PHACTR1: variants seen among roughly 807,000 people sequenced by gnomAD.
PHACTR1 encodes phosphatase and actin regulator 1, also known as RPEL repeat containing 1.
A neutral mutation model predicts 69.2 loss-of-function variants in PHACTR1; 16 were observed. The observed-to-expected ratio is 0.23, with a 90% CI of 0.16 to 0.35. PHACTR1 has a LOEUF of 0.35. Ranked by LOEUF, PHACTR1 falls within the 10% of genes least tolerant of loss-of-function variation. The pLI, the probability that PHACTR1 is intolerant of heterozygous loss-of-function variation, is 1.00. For synonymous variants in PHACTR1, 312 were observed against 284.5 expected, an observed-to-expected ratio of 1.10 and a Z score of -0.97; for missense variants, 510 against 734.7, an observed-to-expected ratio of 0.69 and a Z score of 3.54.
chr6:12,957,237 A>C, intron 4 of PHACTR1: 1 of 522,132 alleles, frequency 1.9e-6, no homozygotes, highest in Non-Finnish European at 2.4e-6. Context: ...CTGCATGTTA[A>C]AAAGCTCAAC....
At position 13,275,107 on chromosome 6, in the gene PHACTR1, G is replaced by A. The variant is rs1479652050; in HGVS notation, c.1447+2192G>A. The A allele has an allele frequency of 1.3e-5, 2 of 152,222 alleles. No individual in the cohort carries two copies. The highest frequency in any genetic ancestry group is 2.9e-5 in the Non-Finnish European group (2 of 68,038). 9.4% of individuals were successfully genotyped at this position (152,222 alleles called of 1,614,324 possible). A position where few individuals can be genotyped will look rare whatever the true frequency, so the allele number is the denominator to read the frequency against. ...ATTTTCTGAGCTTTCAGCCATTTGAGGAACTGCTCGGTGTTGGGTGGTGGG... is the reference window on the plus strand; with the variant it reads ...ATTTTCTGAGCTTTCAGCCATTTGAAGAACTGCTCGGTGTTGGGTGGTGGG... On this transcript the variant is annotated intron_variant, in intron 11 of 14. Transcript: ENST00000332995. This position sits in a 1 kb window ranked among gnomAD's most constrained non-coding sequence, Gnocchi z 4.0.
chr6:13,045,362 GTCA>G (rs1251458912), intron 4 of PHACTR1, among the ~76,000 whole-genome samples: 7 of 152,270 alleles, frequency 4.6e-5, no homozygotes, highest in African/African-American at 1.2e-4. Context: ...TATGGATGCT[GTCA>G]TCATCATCGT....
intron 4 of PHACTR1, among the ~76,000 whole-genome samples, chr6:12,760,615 A>G (rs529431173): frequency 6.6e-6 from 1 of 152,288 alleles, no homozygotes; most frequent in Admixed American, 6.5e-5. Context: ...GGGAGGCCGT[A>G]CATGTTGGTC....
At chr6:12,764,746 A>T (rs1768409309) in intron 4 of PHACTR1, among the ~76,000 whole-genome samples, 1 of 152,240 alleles carries the variant, frequency 6.6e-6, no homozygotes, top group Admixed American at 6.5e-5. Flanking sequence ...GTAGAGCTCT[A>T]GCCTTCCTTG....
chr6:13,054,682 G>A (rs1806509882), intron 5 of PHACTR1, among the ~76,000 whole-genome samples: 1 of 152,134 alleles, frequency 6.6e-6, no homozygotes, highest in South Asian at 2.1e-4. Flanking sequence ...TCCATCATGA[G>A]TGCCCTACCT....
chr6:12,994,307 T>C (rs1489638067), intron 4 of PHACTR1, among the ~76,000 whole-genome samples: 1 of 152,146 alleles, frequency 6.6e-6, no homozygotes, highest in Non-Finnish European at 1.5e-5. Context: ...TGTCACTCCC[T>C]CAAGAGGTGG....
chr6:13,090,427 G>A (rs1019669391), intron 5 of PHACTR1, among the ~76,000 whole-genome samples: 6 of 151,762 alleles, frequency 4.0e-5, no homozygotes, highest in South Asian at 2.1e-4. Flanking sequence ...CCAGGTTCAC[G>A]CCATTCTCCT....
intron 4 of PHACTR1, among the ~76,000 whole-genome samples, chr6:12,795,889 G>T (rs979746675): frequency 3.3e-5 from 5 of 151,890 alleles, no homozygotes; most frequent in East Asian, 1.9e-4. Context: ...TTTAAGAAAA[G>T]AATCAATTCC....
At position 13,179,697 on chromosome 6, in the gene PHACTR1, GAT is replaced by G. The variant is rs1252794915; in HGVS notation, c.497-2820_497-2819del. ...AGGTAGGTAGGTAGATAGATAAGTAGATAGAGATAGATAGATAGATAGATAGA... is the reference window on the plus strand; with the variant it reads ...AGGTAGGTAGGTAGATAGATAAGTAGAGAGATAGATAGATAGATAGATAGA... On this transcript the variant is annotated intron_variant, in intron 6 of 14. Transcript: ENST00000332995. The surrounding 1 kb of genome is among the most constrained non-coding windows in gnomAD (Gnocchi z 4.2). Among the ~76,000 whole-genome samples, 1 of 100,198 alleles carries G rather than the reference GAT, an allele frequency of 1.0e-5. No individual in the cohort carries two copies. The highest frequency in any genetic ancestry group is 2.1e-5 in the Non-Finnish European group (1 of 46,804). The allele number at this position is 100,198 out of a possible 152,430, so 65.7% of individuals were successfully genotyped here.
intron 5 of PHACTR1, among the ~76,000 whole-genome samples, chr6:13,127,169 A>C (rs1819661773): frequency 6.6e-6 from 1 of 152,216 alleles, no homozygotes; most frequent in Non-Finnish European, 1.5e-5. Context: ...TGGTTTAAAT[A>C]GATTTCTCTG....
intron 6 of PHACTR1, among the ~76,000 whole-genome samples, chr6:13,172,910 C>T (rs1390879629): frequency 6.6e-6 from 1 of 152,198 alleles, no homozygotes; most frequent in Non-Finnish European, 1.5e-5. Context: ...TTGTGAGATG[C>T]CTGCGTGAGG....
chr6:13,096,027 T>C (rs1013426474), intron 5 of PHACTR1, among the ~76,000 whole-genome samples: 1 of 152,148 alleles, frequency 6.6e-6, no homozygotes, highest in African/African-American at 2.4e-5. Context: ...CAACTGGGAA[T>C]GACCTTCTTC....
chr6:12,957,255 C>CAAAAAA (rs35500368), intron 4 of PHACTR1: 12 of 272,208 alleles, frequency 4.4e-5, no homozygotes, highest in African/African-American at 2.9e-4. Flanking sequence ...AACAAATACT[C>CAAAAAA]AAAAAAAAAA....
chr6:13,176,807 G>C (rs970804103), intron 6 of PHACTR1, among the ~76,000 whole-genome samples: 1 of 152,046 alleles, frequency 6.6e-6, no homozygotes, highest in Non-Finnish European at 1.5e-5. Context: ...ATTCTTCATA[G>C]TCATATTCAA....
intron 5 of PHACTR1, among the ~76,000 whole-genome samples, chr6:13,151,020 A>T (rs1026335915): frequency 1.3e-5 from 2 of 152,200 alleles, no homozygotes; most frequent in Non-Finnish European, 2.9e-5. Context: ...GGCATGTTCT[A>T]GGTTCTGGAG....
intron 4 of PHACTR1, among the ~76,000 whole-genome samples, chr6:13,003,663 T>G (rs1268184005): frequency 6.6e-6 from 1 of 151,980 alleles, no homozygotes; most frequent in Non-Finnish European, 1.5e-5. Context: ...AGGTGAAGCC[T>G]GGCCTTTGAG....
rs78249740 is a variant in PHACTR1 at position 13,089,918 on chromosome 6, A to G, written c.415+36389A>G. Reference sequence around the variant, plus strand: ...GATTTGTCCTCCTTGTGACATAATAAATTTCCTGAAATGAATAGGGAATGT... The same window carrying G: ...GATTTGTCCTCCTTGTGACATAATAGATTTCCTGAAATGAATAGGGAATGT... On this transcript the variant is annotated intron_variant, in intron 5 of 14. Transcript: ENST00000332995. Among the ~76,000 whole-genome samples, 1,372 of 152,332 alleles carry G rather than the reference A, an allele frequency of 9.0e-3. 11 individuals are homozygous for G. The highest frequency in any genetic ancestry group is 0.015 in the Non-Finnish European group (1,007 of 68,038).
chr6:12,827,436 G>A (rs1776925811), intron 4 of PHACTR1, among the ~76,000 whole-genome samples: 1 of 152,148 alleles, frequency 6.6e-6, no homozygotes, highest in South Asian at 2.1e-4. Context: ...CTAATCCAAA[G>A]ATGCCATTCA....
intron 4 of PHACTR1, among the ~76,000 whole-genome samples, chr6:12,759,601 G>C (rs1767803147): frequency 6.6e-6 from 1 of 152,130 alleles, no homozygotes; most frequent in Non-Finnish European, 1.5e-5. Flanking sequence ...CTGATGATAA[G>C]TTTAGGGGCC....
Sources: gnomAD v4.1 joint callset for allele counts (sites outside exome capture counted in the v4.1 genomes callset) on GRCh38, gnomAD v4.1.1 for gene constraint, Gnocchi (gnomAD v3.1) non-coding constraint, MANE v1.5 for transcripts, NCBI Gene and HGNC (gene_info 2026-07-23, HGNC 2026-07-21) for gene names.